Variants in FBXL17 observed in about 807,000 individuals in gnomAD.
FBXL17 encodes F-box/LRR-repeat protein 17.
Under a neutral mutation model 66.2 loss-of-function variants are expected in FBXL17, and 22 were observed. That is an observed-to-expected ratio of 0.33 (90% CI 0.24 to 0.47). The LOEUF is 0.47. Ranked by LOEUF, FBXL17 falls within the 20% of genes least tolerant of loss-of-function variation. The pLI, the probability that FBXL17 is intolerant of heterozygous loss-of-function variation, is 1.00. For missense variants in FBXL17, 878 were observed against 948.2 expected (o/e 0.93, Z 0.97); for synonymous variants, 474 against 400.5 (o/e 1.18, Z -2.19).
chr5:108,258,479 C>T (rs573554044), intron 4 of FBXL17, among the ~76,000 whole-genome samples: 6 of 152,004 alleles, frequency 3.9e-5, no homozygotes, highest in South Asian at 2.1e-4. Context: ...AAAACAGGTA[C>T]GAAAGAAGCA....
At chr5:107,945,124 T>A (rs1369983168) in intron 7 of FBXL17, among the ~76,000 whole-genome samples, 1 of 152,062 alleles carries the variant, frequency 6.6e-6, no homozygotes, top group Non-Finnish European at 1.5e-5. Context: ...ATCTAAAATA[T>A]GAGGAAACTT....
intron 7 of FBXL17, among the ~76,000 whole-genome samples, chr5:107,938,945 A>G (rs939816741): frequency 6.6e-6 from 1 of 152,260 alleles, no homozygotes; most frequent in East Asian, 1.9e-4. Flanking sequence ...GACCTTTACA[A>G]ACTTCTTTTC....
In FBXL17 at chr5:108,014,336, T is replaced by C. The variant is rs192630984; in HGVS notation, c.1822+6589A>G. On this transcript the variant is annotated intron_variant, in intron 7 of 8. Coordinates refer to ENST00000542267, the MANE Select transcript of FBXL17 (RefSeq NM_001163315.3). ...AAAAACTAATTTGGAACAACATACA[T>C]GTACTTCAAAGGGTAAGAAAGTTAA... Among the ~76,000 whole-genome samples the C allele has an allele frequency of 1.7e-3, 256 of 152,318 alleles. 1 individual carries two copies. The highest frequency in any genetic ancestry group is 6.0e-3 in the African/African-American group (249 of 41,576).
chr5:107,864,921 T>C (rs1398062181), intron 8 of FBXL17, among the ~76,000 whole-genome samples: 1 of 152,158 alleles, frequency 6.6e-6, no homozygotes, highest in Admixed American at 6.5e-5. Context: ...TTAACAGATG[T>C]TCCCCATGCT....
At chr5:108,154,620 C>T (rs199547357) in intron 6 of FBXL17, among the ~76,000 whole-genome samples, 1,094 of 83,584 alleles carry the variant, frequency 0.013, 21 homozygotes, top group African/African-American at 0.052. Flanking sequence ...TATATATACA[C>T]ACACACACAC....
intron 6 of FBXL17, among the ~76,000 whole-genome samples, chr5:108,081,767 T>A: frequency 6.6e-6 from 1 of 152,096 alleles, no homozygotes; most frequent in East Asian, 1.9e-4. Context: ...CAGGATCTCC[T>A]TACAACCACA....
intron 6 of FBXL17, among the ~76,000 whole-genome samples, chr5:108,079,828 T>C (rs1748696119): frequency 6.6e-6 from 1 of 152,170 alleles, no homozygotes; most frequent in African/African-American, 2.4e-5. Context: ...GCAATTGCAA[T>C]GGGCCTAATT....
chr5:108,146,306 CAAAAAAAAAAAATG>C (rs1272710293), intron 6 of FBXL17, among the ~76,000 whole-genome samples: 1 of 135,544 alleles, frequency 7.4e-6, no homozygotes, highest in Non-Finnish European at 1.6e-5. Context: ...CACTTTGGTA[CAAAAAAAAAAAATG>C]AAGCACAAAT....
chr5:108,197,107 TC>T (rs140449842), intron 5 of FBXL17, among the ~76,000 whole-genome samples: 6,545 of 152,206 alleles, frequency 0.043, 765 homozygotes, highest in East Asian at 0.39. Flanking sequence ...GACTTTTCTT[TC>T]CACCAAATCT....
Position 108,381,380 on chromosome 5 carries a change from G to A in FBXL17, c.312C>T (p.Tyr104=). The A allele has an allele frequency of 7.5e-7, 1 of 1,327,058 alleles. No homozygotes were observed. The highest frequency in any genetic ancestry group is 9.5e-7 in the Non-Finnish European group (1 of 1,047,684). 82.2% of individuals were successfully genotyped at this position (1,327,058 alleles called of 1,614,324 possible). ...CGCAGTCCTCGGCGGCCAGGGCCGCGTAGCGCCGCGCCAGGTGCTGAGAGG... is the reference window on the plus strand; with the variant it reads ...CGCAGTCCTCGGCGGCCAGGGCCGCATAGCGCCGCGCCAGGTGCTGAGAGG... ...ASSSQHLARR[Y]AALAAEDCAA... Residue 104 remains tyrosine (Y), a synonymous_variant, in exon 1 of 9, where the codon TAC becomes TAT. Transcript: ENST00000542267.
intron 7 of FBXL17, among the ~76,000 whole-genome samples, chr5:107,934,471 T>C (rs34168420): frequency 0.34 from 52,349 of 152,112 alleles, 10,028 homozygotes; most frequent in African/African-American, 0.5. Flanking sequence ...ATTCAAACCT[T>C]GAACCTTTCT....
intron 6 of FBXL17, among the ~76,000 whole-genome samples, chr5:108,129,251 A>T (rs949013350): frequency 6.6e-6 from 1 of 152,110 alleles, no homozygotes. Flanking sequence ...GATTTTACCA[A>T]TTTGTTCTAT....
At chr5:108,226,281 C>T (rs887744828) in intron 4 of FBXL17, among the ~76,000 whole-genome samples, 6 of 152,144 alleles carry the variant, frequency 3.9e-5, no homozygotes, top group African/African-American at 7.2e-5. Flanking sequence ...AGTTCCCCAT[C>T]GGCACCTAGA....
chr5:108,011,650 AAAAAT>A lies in FBXL17; in HGVS notation c.1822+9270_1822+9274del, dbSNP rs767163583. Among the ~76,000 whole-genome samples, 14 of 152,106 alleles carry A rather than the reference AAAAAT, an allele frequency of 9.2e-5. 1 individual carries two copies. Among genetic ancestry groups the A allele is most frequent in the South Asian group, 8.3e-4 (4 of 4,818 alleles). Reference sequence around the variant, plus strand: ...GAAACCCTGTCTCTACTAAAAATACAAAAATAAAATAAAATAAAATAAAATTAGCC... The same window carrying A: ...GAAACCCTGTCTCTACTAAAAATACAAAAATAAAATAAAATAAAATTAGCC... On this transcript the variant is annotated intron_variant, in intron 7 of 8. Transcript: ENST00000542267.
intron 7 of FBXL17, among the ~76,000 whole-genome samples, chr5:108,004,922 TC>T (rs1439454749): frequency 6.6e-6 from 1 of 152,124 alleles, no homozygotes; most frequent in East Asian, 1.9e-4. Context: ...ATTCCTCATT[TC>T]CCCAACCCTA....
At chr5:107,978,486 C>T (rs1007156400) in intron 7 of FBXL17, among the ~76,000 whole-genome samples, 1 of 152,156 alleles carries the variant, frequency 6.6e-6, no homozygotes, top group African/African-American at 2.4e-5. Context: ...GTAACTTCCC[C>T]ATTACTCCTG....
In FBXL17 at chr5:108,001,282, T is replaced by C. The variant is rs193239349; in HGVS notation, c.1822+19643A>G. ...CCCAAACAGAGAAATAAGAATGACA[T>C]GTGTGAATGTTTTTATGTTTTTAGT... is the stretch of plus-strand genomic sequence containing the variant. On this transcript the variant is annotated intron_variant, in intron 7 of 8. Transcript: ENST00000542267. Among the ~76,000 whole-genome samples the C allele has an allele frequency of 9.9e-5, 15 of 152,226 alleles. No individual in the cohort carries two copies. The East Asian group carries it at 2.1e-3, about 22-fold the overall frequency.
At chr5:108,206,854 G>A (rs1039002981) in intron 5 of FBXL17, among the ~76,000 whole-genome samples, 2 of 152,052 alleles carry the variant, frequency 1.3e-5, no homozygotes, top group African/African-American at 4.8e-5. Flanking sequence ...ATGTACCTGT[G>A]CTTTCATTGA....
intron 4 of FBXL17, among the ~76,000 whole-genome samples, chr5:108,246,548 A>G (rs779869188): frequency 4.6e-5 from 7 of 152,190 alleles, no homozygotes; most frequent in Non-Finnish European, 5.9e-5. Context: ...CTACAACTTC[A>G]GATGGTTAAG....
Sources: allele counts gnomAD v4.1 joint callset (sites outside exome capture counted in the v4.1 genomes callset), GRCh38; gene constraint gnomAD v4.1.1; transcripts MANE v1.5; gene names NCBI Gene and HGNC (gene_info 2026-07-23, HGNC 2026-07-21).